CNGA4: variants seen among roughly 807,000 people sequenced by gnomAD.
The protein encoded by CNGA4 is cyclic nucleotide-gated channel alpha-4.
In CNGA4, 32 loss-of-function variants were observed where a neutral mutation model predicts 45.6. The observed-to-expected ratio is 0.70, with a 90% CI of 0.53 to 0.94. The LOEUF (loss-of-function observed/expected upper bound fraction) is 0.94. Among genes scored for constraint, CNGA4 ranks in the 40% least tolerant of loss-of-function variants. CNGA4 has a pLI of 0.00. For synonymous variants in CNGA4, 293 were observed against 304.6 expected, an observed-to-expected ratio of 0.96 and a Z score of 0.40; for missense variants, 726 against 755.1, an observed-to-expected ratio of 0.96 and a Z score of 0.45.
chr11:6,235,659 G>GCGCCCAGCCGGTAAA, upstream of CNGA4: 1 of 640,606 alleles, frequency 1.6e-6, no homozygotes, highest in Non-Finnish European at 1.9e-6. Context: ...GTACTTTACC[G>GCGCCCAGCCGGTAAA]GCTGGGCGCG....
chr11:6,238,951 A>T (rs1173089225), upstream of CNGA4: 21 of 1,069,960 alleles, frequency 2.0e-5, no homozygotes, highest in Non-Finnish European at 2.7e-5. Context: ...CAGGGATCTC[A>T]TTAGAGGTGT....
chr11:6,241,748 A>C lies in CNGA4; in HGVS notation c.1235A>C (p.Tyr412Ser). 6.2e-7 allele frequency: 1 copy of C among 1,614,180 alleles called. No homozygotes were observed. Among genetic ancestry groups the C allele is most frequent in the South Asian group, 1.1e-5 (1 of 91,082 alleles). Reference protein sequence around the residue: ...TQYAVLGAGLYFGEISIINIK... With the variant: ...TQYAVLGAGLSFGEISIINIK... ...TATGCTGTGCTCGGTGCAGGGCTCTACTTTGGGGAGATCAGCATCATCAAC... is the reference window on the plus strand; with the variant it reads ...TATGCTGTGCTCGGTGCAGGGCTCTCCTTTGGGGAGATCAGCATCATCAAC... The change falls in exon 5 of 6, where the codon TAC becomes TCC. Residue 412 changes from tyrosine to serine, a missense_variant. Physicochemically the swap from Tyr to Ser is moderately radical, Grantham distance 144. Transcript: ENST00000379936.
Position 6,241,714 on chromosome 11 carries a change from A to G in CNGA4, c.1201A>G (p.Ile401Val), listed in dbSNP as rs1847922445. The change falls in exon 5 of 6, where the codon ATC becomes GTC. Residue 401 changes from isoleucine (I) to valine (V), a missense_variant. By Grantham distance (29) the Ile-to-Val change is conservative. Coordinates refer to ENST00000379936, the MANE Select transcript of CNGA4 (RefSeq NM_001037329.4). ...GQLAVVADDG[I>V]TQYAVLGAGL... is the part of the protein sequence containing the mutation. ...ACTGGCCGTGGTGGCAGATGATGGT[A>G]TCACACAGTATGCTGTGCTCGGTGC... The G allele has an allele frequency of 4.3e-6, 7 of 1,614,266 alleles. No individual in the cohort carries two copies. The highest frequency in any genetic ancestry group is 3.3e-5 in the South Asian group (3 of 91,088).
In CNGA4 at chr11:6,239,841, A is replaced by T. The variant is rs1324188604; in HGVS notation, c.271+51A>T. 2.6e-6 allele frequency: 4 copies of T among 1,552,126 alleles called. No homozygotes were observed. The Admixed American group carries it at 5.4e-5, about 21-fold the overall frequency. Reference sequence around the variant, plus strand: ...TTTGTCCCACATTCCCTTCCTAAAGATAGCCACTTAAGAAGTAACAAGAAA... The same window carrying T: ...TTTGTCCCACATTCCCTTCCTAAAGTTAGCCACTTAAGAAGTAACAAGAAA... On this transcript the variant is annotated intron_variant, in intron 3 of 5. Transcript: ENST00000379936.
rs1847872015 is a variant in CNGA4, at chr11:6,239,126, G to A, written c.-81G>A. ...ACAGCAGCCTCCTTCAGGCAGTCAGGCACTAGTGCCCAACTCCAGAAGTCC... is the reference window on the plus strand; with the variant it reads ...ACAGCAGCCTCCTTCAGGCAGTCAGACACTAGTGCCCAACTCCAGAAGTCC... On this transcript the variant is annotated 5_prime_UTR_variant, in exon 1 of 6. Transcript: ENST00000379936. 1.2e-6 allele frequency: 2 copies of A among 1,608,040 alleles called. No homozygotes were observed. The highest frequency in any genetic ancestry group is 1.1e-5 in the South Asian group (1 of 90,558).
In CNGA4 at chr11:6,240,742, G is replaced by A. The variant is rs938343695; in HGVS notation, c.917+31G>A. 6.3e-7 allele frequency: 1 copy of A among 1,597,014 alleles called. No homozygotes were observed. The highest frequency in any genetic ancestry group is 8.5e-7 in the Non-Finnish European group (1 of 1,170,168). On this transcript the variant is annotated intron_variant, in intron 4 of 5. Coordinates refer to ENST00000379936, the MANE Select transcript of CNGA4 (RefSeq NM_001037329.4). This position sits in a 1 kb window ranked among gnomAD's most constrained non-coding sequence, Gnocchi z 4.9. ...AAGGCGGGGTTCCAGACCAGGACAGGGACCAGTGTAGGTGATGGAACCTGA... is the reference window on the plus strand; with the variant it reads ...AAGGCGGGGTTCCAGACCAGGACAGAGACCAGTGTAGGTGATGGAACCTGA...
intron 4 of CNGA4, 85 bp from the exon 5 acceptor site, chr11:6,241,346 C>G: frequency 9.1e-7 from 1 of 1,093,460 alleles, no homozygotes; most frequent in Non-Finnish European, 1.3e-6. Context: ...GGATTCTTGG[C>G]TGGAGCTGAG....
At chr11:6,239,824 A>G (rs1427935762) in intron 3 of CNGA4, 34 bp downstream of exon 3, 4 of 1,585,300 alleles carry the variant, frequency 2.5e-6, no homozygotes, top group Non-Finnish European at 3.5e-6. Context: ...CCTTTGTCCC[A>G]CATTCCCTTC....
At position 6,240,275 on chromosome 11, in the gene CNGA4, A is replaced by G; in HGVS notation, c.481A>G (p.Thr161Ala). 6.2e-7 allele frequency: 1 copy of G among 1,614,154 alleles called. No individual in the cohort carries two copies. Among genetic ancestry groups the G allele is most frequent in the Non-Finnish European group, 8.5e-7 (1 of 1,180,018 alleles). ...FEAFDRTETR[T>A]AYPNAFRIAK... ...GGCCTTCGACCGCACAGAGACCCGC[A>G]CAGCTTACCCAAATGCCTTTCGCAT... Residue 161 changes from threonine to alanine, a missense_variant, in exon 4 of 6, where the codon ACA (threonine) becomes GCA (alanine). Transcript: ENST00000379936. This position sits in a 1 kb window ranked among gnomAD's most constrained non-coding sequence, Gnocchi z 4.9.
At chr11:6,235,416 G>A, upstream of CNGA4, 3 of 945,050 alleles carry the variant, frequency 3.2e-6, no homozygotes, top group Non-Finnish European at 3.8e-6. Context: ...CTGCTCTCCA[G>A]GACCTCAGAG....
At position 6,241,608 on chromosome 11, in the gene CNGA4, G is replaced by A. The variant is rs748205700; in HGVS notation, c.1095G>A (p.Gln365=). ...TGGAGGAGCTGGTGCTGAAGCTGCA[G>A]CCCCAGACCTACTCACCAGGTGAAT... ...SLLEELVLKL[Q]PQTYSPGEYV... The change falls in exon 5 of 6, where the codon CAG becomes CAA. Residue 365 remains glutamine, a synonymous_variant. Transcript: ENST00000379936. The A allele has an allele frequency of 1.2e-6, 2 of 1,614,236 alleles. No individual in the cohort carries two copies. Among genetic ancestry groups the A allele is most frequent in the Non-Finnish European group, 1.7e-6 (2 of 1,180,048 alleles).
chr11:6,240,241 C>T lies in CNGA4; in HGVS notation c.447C>T (p.Arg149=), dbSNP rs941746977. The change falls in exon 4 of 6, where the codon CGC becomes CGT. Residue 149 remains arginine, a synonymous_variant. Transcript: ENST00000379936. This position sits in a 1 kb window ranked among gnomAD's most constrained non-coding sequence, Gnocchi z 4.9. The stretch of plus-strand genomic sequence containing the variant: ...TGAACCGCTTTCTCCGCGCGCCCCG[C>T]CTCTTCGAGGCCTTCGACCGCACAG... ...LRLNRFLRAP[R]LFEAFDRTET... is the part of the protein sequence containing the mutation. 30 of 1,614,252 alleles carry T rather than the reference C, an allele frequency of 1.9e-5. No individual in the cohort carries two copies. Among genetic ancestry groups the T allele is most frequent in the Non-Finnish European group, 2.5e-5 (29 of 1,180,048 alleles).
At position 6,240,111 on chromosome 11, in the gene CNGA4, C is replaced by A; in HGVS notation, c.317C>A (p.Ser106Ter). 6.2e-7 allele frequency: 1 copy of A among 1,613,682 alleles called. No individual in the cohort carries two copies. ...CTGGTGGTGGACAAGGGTAGGATCT[C>A]GAGTCGCTACGTTCGCACCTGGAGT... ...GILVVDKGRI[S>*]SRYVRTWSFF... The change falls in exon 4 of 6, where the codon TCG becomes TAG. Residue 106 changes from serine (S) to a stop codon, truncating the protein, a stop_gained. Transcript: ENST00000379936. LOFTEE classifies it high-confidence loss of function. The surrounding 1 kb of genome is among the most constrained non-coding windows in gnomAD (Gnocchi z 4.9).
chr11:6,239,543 CA>C (rs1463099106), intron 2 of CNGA4, 58 bp downstream of exon 2: 6 of 1,586,160 alleles, frequency 3.8e-6, no homozygotes, highest in Non-Finnish European at 5.2e-6. Context: ...AAAGAGAGGT[CA>C]AGGAGAAGGG....
chr11:6,239,672 C>G lies in CNGA4; in HGVS notation c.165-12C>G. The G allele has an allele frequency of 6.2e-7, 1 of 1,613,340 alleles. No homozygotes were observed. Among genetic ancestry groups the G allele is most frequent in the Non-Finnish European group, 8.5e-7 (1 of 1,179,544 alleles). On this transcript the variant is annotated splice_polypyrimidine_tract_variant and intron_variant, in intron 2 of 5. Transcript: ENST00000379936. The stretch of plus-strand genomic sequence containing the variant: ...TGCCCTTAATTCAATCATGCTTAAC[C>G]CTGCCCTGCAGAGCCTGCTTCCCCG...
intron 1 of CNGA4, 46 bp downstream of exon 1, chr11:6,239,314 T>C (rs747733867): frequency 1.2e-5 from 20 of 1,613,186 alleles, no homozygotes; most frequent in Middle Eastern, 1.7e-4. Flanking sequence ...TCATTCCTCT[T>C]GGTGCCCCAG....
chr11:6,236,419 C>T (rs117363131), upstream of CNGA4, among the ~76,000 whole-genome samples: 488 of 152,228 alleles, frequency 3.2e-3, 4 homozygotes, highest in Non-Finnish European at 5.2e-3. Context: ...AAGGCCCAAA[C>T]TAGAGTAGCA....
At position 6,240,790 on chromosome 11, in the gene CNGA4, GC is replaced by G. The variant is rs1384560263; in HGVS notation, c.917+81del. 2 of 1,515,258 alleles carry G rather than the reference GC, an allele frequency of 1.3e-6. No homozygotes were observed. The highest frequency in any genetic ancestry group is 4.5e-5 in the East Asian group (2 of 44,076). The allele number at this position is 1,515,258 out of a possible 1,614,324, so 93.9% of individuals were successfully genotyped here. A position where few individuals can be genotyped will look rare whatever the true frequency, so the allele number is the denominator to read the frequency against. ...TGAGGGAGGTAACTGGGTCCTTAGT[GC>G]CTGGTGAGCCAGGCAAGGCTGTCAA... On this transcript the variant is annotated intron_variant, in intron 4 of 5. Coordinates refer to ENST00000379936, the MANE Select transcript of CNGA4 (RefSeq NM_001037329.4). The surrounding 1 kb of genome is among the most constrained non-coding windows in gnomAD (Gnocchi z 4.9).
At position 6,240,470 on chromosome 11, in the gene CNGA4, A is replaced by G; in HGVS notation, c.676A>G (p.Thr226Ala). ...RQYLYSFYFS[T>A]LILTTVGDTP... ...GTACCTCTATAGCTTTTACTTCTCC[A>G]CGCTGATACTGACTACAGTGGGCGA... The change falls in exon 4 of 6, where the codon ACG becomes GCG. Residue 226 changes from threonine (T) to alanine (A), a missense_variant. Coordinates refer to ENST00000379936, the MANE Select transcript of CNGA4 (RefSeq NM_001037329.4). This position sits in a 1 kb window ranked among gnomAD's most constrained non-coding sequence, Gnocchi z 4.9. The G allele has an allele frequency of 1.2e-6, 2 of 1,614,126 alleles. No homozygotes were observed. Among genetic ancestry groups the G allele is most frequent in the Non-Finnish European group, 1.7e-6 (2 of 1,179,996 alleles).
Sources: allele counts gnomAD v4.1 joint callset (sites outside exome capture counted in the v4.1 genomes callset), GRCh38; gene constraint gnomAD v4.1.1; non-coding constraint Gnocchi (gnomAD v3.1); transcripts MANE v1.5; gene names NCBI Gene and HGNC (gene_info 2026-07-23, HGNC 2026-07-21).